Variants in RBM19 observed in about 807,000 individuals in gnomAD.
The protein encoded by RBM19 is probable RNA-binding protein 19.
RBM19 carries 94 observed loss-of-function variants against 116.8 expected under a neutral mutation model. The observed-to-expected ratio is 0.80, with a 90% CI of 0.68 to 0.95. The LOEUF (loss-of-function observed/expected upper bound fraction) is 0.95. RBM19 is among the 40% of genes least tolerant of loss of function. The pLI is 0.00. For missense variants in RBM19, 1,161 were observed against 1,220.7 expected (o/e 0.95, Z 0.73); for synonymous variants, 475 against 494.1 (o/e 0.96, Z 0.51).
intron 2 of RBM19, 45 bp downstream of exon 2, chr12:113,962,187 G>A (rs751660355): frequency 6.3e-6 from 10 of 1,599,382 alleles, no homozygotes; most frequent in South Asian, 4.4e-5. Context: ...ATCAAACAAC[G>A]TCACACTTGA....
At chr12:113,963,780 A>G (rs1872670794) in intron 1 of RBM19, among the ~76,000 whole-genome samples, 1 of 152,218 alleles carries the variant, frequency 6.6e-6, no homozygotes, top group Admixed American at 6.5e-5. Flanking sequence ...AAAGGAAAAC[A>G]TGCAATTCTT....
chr12:113,819,941 AAC>A (rs1320711833), downstream of RBM19, among the ~76,000 whole-genome samples: 1 of 152,142 alleles, frequency 6.6e-6, no homozygotes, highest in Non-Finnish European at 1.5e-5. Context: ...TCCCGTTTAA[AAC>A]AGTTATTTTT....
chr12:113,873,930 G>A (rs1003836875), intron 21 of RBM19, among the ~76,000 whole-genome samples: 1 of 152,174 alleles, frequency 6.6e-6, no homozygotes, highest in African/African-American at 2.4e-5. Context: ...CAGATATCTC[G>A]CCATCACCCT....
chr12:113,927,159 C>T lies in RBM19; in HGVS notation c.2139G>A (p.Met713Ile). 6.2e-7 allele frequency: 1 copy of T among 1,604,344 alleles called. No individual in the cohort carries two copies. The highest frequency in any genetic ancestry group is 8.5e-7 in the Non-Finnish European group (1 of 1,175,032). Residue 713 changes from methionine (M) to isoleucine (I), a missense_variant, in exon 17 of 24, where the codon ATG becomes ATA. By Grantham distance (10) the Met-to-Ile change is conservative (BLOSUM62 1). Transcript: ENST00000261741. ...CTTCCTCTTCCTCCTCCTCCTCTTCCATCTTTGCTGAAGAGTTGTCTGCTC... is the reference window on the plus strand; with the variant it reads ...CTTCCTCTTCCTCCTCCTCCTCTTCTATCTTTGCTGAAGAGTTGTCTGCTC... ...EEGADNSSAK[M>I]EEEEEEEEEE... is the part of the protein sequence containing the mutation.
intron 23 of RBM19, among the ~76,000 whole-genome samples, chr12:113,831,996 C>T (rs1288068274): frequency 6.6e-6 from 1 of 152,086 alleles, no homozygotes; most frequent in Admixed American, 6.6e-5. Flanking sequence ...TGGGAACTGC[C>T]TTGACCGAAA....
intron 23 of RBM19, among the ~76,000 whole-genome samples, chr12:113,836,701 C>T (rs1875926086): frequency 6.6e-6 from 1 of 151,996 alleles, no homozygotes; most frequent in South Asian, 2.1e-4. Context: ...CTATTAGGTG[C>T]CAGGCTCTGT....
Position 113,914,972 on chromosome 12 carries a change from A to AAGAGCTCTC in RBM19, c.2546_2554dup (p.Leu851_Phe852insTer), listed in dbSNP as rs747987122. ...GGACTAAACCTGAAGTTCTCACCTG[A>AAGAGCTCTC]AGAGCTCTCGGATCTCCCGGCTGTG... On this transcript the variant is annotated stop_gained, in exon 21 of 24. Coordinates refer to ENST00000261741, the MANE Select transcript of RBM19 (RefSeq NM_016196.4). LOFTEE classifies it high-confidence loss of function. The AAGAGCTCTC allele has an allele frequency of 6.2e-7, 1 of 1,612,896 alleles. No individual in the cohort carries two copies. Among genetic ancestry groups the AAGAGCTCTC allele is most frequent in the East Asian group, 2.2e-5 (1 of 44,870 alleles).
At chr12:113,960,323 G>A (rs1566045628) in intron 2 of RBM19, 145 bp from the exon 3 acceptor site, 1 of 1,035,008 alleles carries the variant, frequency 9.7e-7, no homozygotes, top group Non-Finnish European at 1.4e-6. Flanking sequence ...TCACCCCTTA[G>A]CCTGGGCTTT....
At chr12:113,830,069 T>C (rs1875236628) in intron 23 of RBM19, among the ~76,000 whole-genome samples, 1 of 152,176 alleles carries the variant, frequency 6.6e-6, no homozygotes, top group Non-Finnish European at 1.5e-5. Flanking sequence ...GGTCACACTT[T>C]CCAAGCAGGA....
At chr12:113,828,146 C>A (rs904129772) in intron 23 of RBM19, among the ~76,000 whole-genome samples, 1 of 151,142 alleles carries the variant, frequency 6.6e-6, no homozygotes, top group African/African-American at 2.4e-5. Flanking sequence ...GGAGCAGGGC[C>A]TCCCACTGTG....
intron 21 of RBM19, among the ~76,000 whole-genome samples, chr12:113,875,282 A>C (rs1252158591): frequency 6.6e-6 from 1 of 152,264 alleles, no homozygotes; most frequent in African/African-American, 2.4e-5. Flanking sequence ...AGCCGAGCTC[A>C]GGATGACTGG....
At chr12:113,854,371 C>G (rs1157979559) in intron 22 of RBM19, among the ~76,000 whole-genome samples, 2 of 152,094 alleles carry the variant, frequency 1.3e-5, no homozygotes, top group African/African-American at 2.4e-5. Context: ...AACTGACAGC[C>G]GTGCACACGG....
chr12:113,875,104 C>T (rs946469165), intron 21 of RBM19, among the ~76,000 whole-genome samples: 1 of 152,224 alleles, frequency 6.6e-6, no homozygotes. Context: ...GCGGACCGTT[C>T]GACAGAAAGC....
intron 21 of RBM19, among the ~76,000 whole-genome samples, chr12:113,866,991 G>C (rs1878861626): frequency 6.6e-6 from 1 of 152,354 alleles, no homozygotes; most frequent in East Asian, 1.9e-4. Context: ...TTGGTTTCAA[G>C]AGATCATAAG....
At chr12:113,942,612 T>TC (rs1431189803) in intron 13 of RBM19, among the ~76,000 whole-genome samples, 178 bp from the exon 14 acceptor site, 44 of 151,172 alleles carry the variant, frequency 2.9e-4, no homozygotes, top group African/African-American at 1.0e-3. Flanking sequence ...TTTTTTTTTT[T>TC]TTAAGAAGGA....
At chr12:113,846,151 C>T (rs1480377427) in intron 22 of RBM19, among the ~76,000 whole-genome samples, 1 of 152,202 alleles carries the variant, frequency 6.6e-6, no homozygotes, top group South Asian at 2.1e-4. Context: ...GCTCCAGGTG[C>T]TTGAGCATTG....
intron 13 of RBM19, among the ~76,000 whole-genome samples, chr12:113,944,161 A>C (rs1246904759): frequency 1.5e-5 from 2 of 133,326 alleles, no homozygotes; most frequent in African/African-American, 5.8e-5. Flanking sequence ...GTACAGTGGC[A>C]TGATCTCGGC....
chr12:113,834,564 G>C (rs1177720780), intron 23 of RBM19, among the ~76,000 whole-genome samples: 1 of 152,222 alleles, frequency 6.6e-6, no homozygotes, highest in African/African-American at 2.4e-5. Context: ...CCTTGCAGGG[G>C]AAGAAAGTAG....
At chr12:113,921,918 G>A (rs1868611999) in intron 18 of RBM19, among the ~76,000 whole-genome samples, 1 of 152,180 alleles carries the variant, frequency 6.6e-6, no homozygotes, top group Admixed American at 6.5e-5. Context: ...AGCTCTACCT[G>A]GGCTCCCCAG....
Sources: allele counts gnomAD v4.1 joint callset (sites outside exome capture counted in the v4.1 genomes callset), GRCh38; gene constraint gnomAD v4.1.1; transcripts MANE v1.5; gene names NCBI Gene and HGNC (gene_info 2026-07-23, HGNC 2026-07-21).